Variants in USP16 observed in about 807,000 individuals in gnomAD.
USP16 encodes ubiquitin carboxyl-terminal hydrolase 16.
Under a neutral mutation model 95.9 loss-of-function variants are expected in USP16, and 77 were observed. The ratio of observed to expected loss-of-function variants is 0.80; its 90% confidence interval spans 0.67 to 0.97. The LOEUF (loss-of-function observed/expected upper bound fraction) is 0.97. Ranked by LOEUF, USP16 falls within the 50% of genes least tolerant of loss-of-function variation. The probability of loss-of-function intolerance (pLI) is 0.00; values close to 1 mark genes in which losing one functional copy is unlikely to be tolerated. For missense variants in USP16, 943 were observed against 959.9 expected, an observed-to-expected ratio of 0.98 and a Z score of 0.23; for synonymous variants, 303 against 318.2, an observed-to-expected ratio of 0.95 and a Z score of 0.51.
chr21:29,039,263 C>G (rs1255400421), intron 8 of USP16, 107 bp downstream of exon 8: 1 of 1,170,296 alleles, frequency 8.5e-7, no homozygotes, highest in Non-Finnish European at 1.1e-6. Context: ...TACATTTAGT[C>G]AACCCTCTAT....
At chr21:29,039,900 C>A (rs1047133424) in intron 9 of USP16, among the ~76,000 whole-genome samples, 1 of 152,156 alleles carries the variant, frequency 6.6e-6, no homozygotes, top group Non-Finnish European at 1.5e-5. Context: ...CACACCCTTA[C>A]TTTTAATTCT....
chr21:29,047,955 TA>T (rs1399343544), intron 14 of USP16, among the ~76,000 whole-genome samples: 7 of 150,980 alleles, frequency 4.6e-5, no homozygotes, highest in Non-Finnish European at 1.0e-4. Context: ...TGTATATATA[TA>T]TATGTGTGTG....
chr21:29,026,829 C>T (rs1449750219), intron 1 of USP16, among the ~76,000 whole-genome samples: 1 of 152,014 alleles, frequency 6.6e-6, no homozygotes, highest in Non-Finnish European at 1.5e-5. Context: ...AGATCAAAAG[C>T]ACTATATAGT....
intron 1 of USP16, 127 bp downstream of exon 1, chr21:29,024,904 T>G (rs1209301410): frequency 1.1e-6 from 1 of 930,310 alleles, no homozygotes; most frequent in African/African-American, 1.7e-5. Flanking sequence ...GTAACCCGGC[T>G]ACTTTCCGGT....
chr21:29,050,000 A>T, intron 15 of USP16, 92 bp from the exon 16 acceptor site: 4 of 1,057,516 alleles, frequency 3.8e-6, no homozygotes. Flanking sequence ...CTTAATGTTG[A>T]TATTCTTTTG....
chr21:29,028,478 C>T (rs2085028045), intron 2 of USP16, among the ~76,000 whole-genome samples: 1 of 151,864 alleles, frequency 6.6e-6, no homozygotes, highest in African/African-American at 2.4e-5. Flanking sequence ...CTCTGTTGCC[C>T]AGGCTGGAGT....
At chr21:29,027,653 CT>C (rs1056574140) in intron 1 of USP16, among the ~76,000 whole-genome samples, 1 of 152,204 alleles carries the variant, frequency 6.6e-6, no homozygotes, top group Non-Finnish European at 1.5e-5. Flanking sequence ...ACCTCTTAAG[CT>C]TGCTAAGAAT....
At chr21:29,032,163 A>T (rs1476474708) in intron 3 of USP16, among the ~76,000 whole-genome samples, 1 of 152,134 alleles carries the variant, frequency 6.6e-6, no homozygotes, top group East Asian at 1.9e-4. Context: ...GTATTTCTAA[A>T]TTTAGTCATT....
intron 3 of USP16, among the ~76,000 whole-genome samples, chr21:29,034,233 G>C (rs2085119123): frequency 6.6e-6 from 1 of 152,096 alleles, no homozygotes; most frequent in Admixed American, 6.5e-5. Flanking sequence ...AACCAGACTT[G>C]ACTGCATTAG....
chr21:29,042,713 T>A, intron 12 of USP16, 185 bp downstream of exon 12: 1 of 515,040 alleles, frequency 1.9e-6, no homozygotes, highest in Non-Finnish European at 3.3e-6. Flanking sequence ...AAAACAAGGA[T>A]GGAAAAAAAG....
rs768302634 is a variant in USP16, at chr21:29,034,860, G to A, written c.264G>A (p.Glu88=). 1 of 1,614,052 alleles carries A rather than the reference G, an allele frequency of 6.2e-7. No homozygotes were observed. The highest frequency in any genetic ancestry group is 8.5e-7 in the Non-Finnish European group (1 of 1,179,958). ...AGGGCTGTGGCAGAAATTCTCAGGA[G>A]CAGCATGCCTTGAAGCACTATCTGA... ...GHQGCGRNSQ[E]QHALKHYLTP... Residue 88 remains glutamate (E), a synonymous_variant, in exon 4 of 18, where the codon GAG becomes GAA. Transcript: ENST00000399976.
intron 15 of USP16, among the ~76,000 whole-genome samples, chr21:29,049,602 C>G (rs187749880): frequency 5.1e-4 from 77 of 152,296 alleles, no homozygotes; most frequent in African/African-American, 1.8e-3. Flanking sequence ...TTCTGTCACC[C>G]AGGCTGGTGT....
chr21:29,050,029 G>A (rs540055010), intron 15 of USP16, 63 bp from the exon 16 acceptor site: 8 of 1,466,120 alleles, frequency 5.5e-6, no homozygotes, highest in East Asian at 2.3e-5. Context: ...AGGGGACTTC[G>A]GTTTACTTAA....
rs540561163 is a variant in USP16 at position 29,025,494 on chromosome 21, A to G, written c.-42+717A>G. Among the ~76,000 whole-genome samples, 15 of 152,344 alleles carry G rather than the reference A, an allele frequency of 9.8e-5. No individual in the cohort carries two copies. In the South Asian group the frequency reaches 2.9e-3, roughly 29 times the overall value. On this transcript the variant is annotated intron_variant, in intron 1 of 17. Transcript: ENST00000399976. ...TCACAATATGCTCTCCTCATGACTC[A>G]TTAGTTGCCTTTATAGTTGTCAGAA...
At chr21:29,034,384 C>T (rs1256869511) in intron 3 of USP16, among the ~76,000 whole-genome samples, 3 of 150,902 alleles carry the variant, frequency 2.0e-5, no homozygotes, top group Non-Finnish European at 2.9e-5. Flanking sequence ...GTGATCTTGG[C>T]TCACTGCAAC....
chr21:29,049,370 G>A (rs1247494613), intron 15 of USP16, among the ~76,000 whole-genome samples: 1 of 152,166 alleles, frequency 6.6e-6, no homozygotes, highest in Non-Finnish European at 1.5e-5. Flanking sequence ...CTTGTGGTTG[G>A]TATGGGCTTG....
chr21:29,042,779 A>AAGTAT (rs1305809492), intron 12 of USP16: 1 of 352,030 alleles, frequency 2.8e-6, no homozygotes. Flanking sequence ...CCATACAGTG[A>AAGTAT]AGTATTTTCC....
In USP16 at chr21:29,036,323, C is replaced by T; in HGVS notation, c.397C>T (p.Gln133Ter). Residue 133 changes from glutamine (Q) to a stop codon, truncating the protein, a stop_gained, in exon 5 of 18, where the codon CAA becomes TAA. Coordinates refer to ENST00000399976, the MANE Select transcript of USP16 (RefSeq NM_006447.3). LOFTEE classifies it high-confidence loss of function. The part of the protein sequence containing the change: ...VQYCSSNQLG[Q>*]VVDYVRKQAS... Reference sequence around the variant, plus strand: ...GTATTGTAGTTCAAACCAGTTGGGTCAAGTGGTTGATTATGTCAGAAAACA... The same window carrying T: ...GTATTGTAGTTCAAACCAGTTGGGTTAAGTGGTTGATTATGTCAGAAAACA... 6.2e-7 allele frequency: 1 copy of T among 1,613,868 alleles called. No homozygotes were observed. The highest frequency in any genetic ancestry group is 8.5e-7 in the Non-Finnish European group (1 of 1,179,910).
chr21:29,048,897 C>T (rs1365510159), intron 15 of USP16, 42 bp downstream of exon 15: 1 of 1,420,912 alleles, frequency 7.0e-7, no homozygotes, highest in Non-Finnish European at 9.9e-7. Flanking sequence ...TATGTAACAC[C>T]TACTTTATTA....
Sources: gnomAD v4.1 joint callset for allele counts (sites outside exome capture counted in the v4.1 genomes callset) on GRCh38, gnomAD v4.1.1 for gene constraint, MANE v1.5 for transcripts, NCBI Gene and HGNC (gene_info 2026-07-23, HGNC 2026-07-21) for gene names.